NRCAM: variants seen among roughly 807,000 people sequenced by gnomAD.
NRCAM encodes the protein neuronal cell adhesion molecule, also known as NgCAM-related cell adhesion molecule.
In NRCAM, 83 loss-of-function variants were observed where a neutral mutation model predicts 156.5. That is an observed-to-expected ratio of 0.53 (90% CI 0.44 to 0.64). NRCAM has a LOEUF of 0.64. Ranked by LOEUF, NRCAM falls within the 30% of genes least tolerant of loss-of-function variation. The pLI, the probability that NRCAM is intolerant of heterozygous loss-of-function variation, is 0.00. For missense variants in NRCAM, 1,417 were observed against 1,597.3 expected (o/e 0.89, Z 1.92); for synonymous variants, 538 against 563.9 (o/e 0.95, Z 0.65).
chr7:108,374,966 A>T (rs1052770032), intron 2 of NRCAM, among the ~76,000 whole-genome samples: 2 of 152,174 alleles, frequency 1.3e-5, no homozygotes, highest in Non-Finnish European at 2.9e-5. Flanking sequence ...GATATAAAAT[A>T]TTTATTGAGA....
At chr7:108,388,813 G>T (rs1429392449) in intron 2 of NRCAM, among the ~76,000 whole-genome samples, 2 of 152,186 alleles carry the variant, frequency 1.3e-5, no homozygotes, top group African/African-American at 4.8e-5. Flanking sequence ...TTATTAAATA[G>T]GGAATCCTTT....
At chr7:108,411,734 T>C (rs370638275) in intron 1 of NRCAM, among the ~76,000 whole-genome samples, 1 of 152,078 alleles carries the variant, frequency 6.6e-6, no homozygotes, top group African/African-American at 2.4e-5. Flanking sequence ...GGTTTCACCA[T>C]GTTGGTCAGG....
chr7:108,302,358 G>C (rs549364151), intron 3 of NRCAM, among the ~76,000 whole-genome samples: 31 of 152,128 alleles, frequency 2.0e-4, no homozygotes. Flanking sequence ...TCTTGGAGAT[G>C]ACTGATGGCA....
In NRCAM at chr7:108,300,878, G is replaced by A. The variant is rs143349902; in HGVS notation, c.-107+11787C>T. 2.3e-3 allele frequency among the ~76,000 whole-genome samples: 348 copies of A among 151,570 alleles called. 3 individuals are homozygous for A. The highest frequency in any genetic ancestry group is 7.6e-3 in the African/African-American group (316 of 41,344). On this transcript the variant is annotated intron_variant, in intron 3 of 32. Coordinates refer to ENST00000379028, the MANE Select transcript of NRCAM (RefSeq NM_001037132.4). ...ACAGAAAGCTTTTTAAAAAAATTAC[G>A]TTTTTTTAAAGCTTTTCTTAAAAAA...
At chr7:108,425,647 TC>T (rs1307493919) in intron 1 of NRCAM, among the ~76,000 whole-genome samples, 10 of 152,182 alleles carry the variant, frequency 6.6e-5, no homozygotes, top group African/African-American at 1.9e-4. Flanking sequence ...ACCGAACAGA[TC>T]CAAATTCAAG....
At chr7:108,371,582 T>A (rs2099628959) in intron 2 of NRCAM, among the ~76,000 whole-genome samples, 3 of 152,154 alleles carry the variant, frequency 2.0e-5, no homozygotes, top group Non-Finnish European at 4.4e-5. Flanking sequence ...AACATATTTT[T>A]ACAAATTGAA....
chr7:108,301,496 A>G (rs562700180), intron 3 of NRCAM, among the ~76,000 whole-genome samples: 1 of 152,364 alleles, frequency 6.6e-6, no homozygotes, highest in Admixed American at 6.5e-5. Flanking sequence ...TATGAGCTAC[A>G]GAAGAAAACA....
At chr7:108,169,529 TAAGAA>T (rs911981254) in intron 28 of NRCAM, among the ~76,000 whole-genome samples, 4 of 152,304 alleles carry the variant, frequency 2.6e-5, no homozygotes, top group African/African-American at 9.6e-5. Flanking sequence ...TTCTTAGAAT[TAAGAA>T]AAGAAAGATA....
chr7:108,435,821 C>T (rs1831344121), intron 1 of NRCAM, among the ~76,000 whole-genome samples: 2 of 152,190 alleles, frequency 1.3e-5, no homozygotes, highest in South Asian at 2.1e-4. Flanking sequence ...AATCGAAAGG[C>T]ACAGTAAATC....
chr7:108,250,820 T>C (rs931546181), intron 3 of NRCAM, among the ~76,000 whole-genome samples: 1 of 152,198 alleles, frequency 6.6e-6, no homozygotes, highest in African/African-American at 2.4e-5. Flanking sequence ...TTTTACATGA[T>C]GTGATTATTA....
intron 32 of NRCAM, chr7:108,156,399 A>C: frequency 1.0e-6 from 1 of 984,618 alleles, no homozygotes; most frequent in Non-Finnish European, 1.2e-6. Context: ...TCTTGGTTGC[A>C]TTGTTTCTCT....
intron 2 of NRCAM, among the ~76,000 whole-genome samples, chr7:108,388,038 T>C (rs1234866395): frequency 2.0e-5 from 3 of 152,204 alleles, no homozygotes; most frequent in African/African-American, 4.8e-5. Flanking sequence ...TGTGTCTTTA[T>C]AGCAGCATGA....
intron 1 of NRCAM, among the ~76,000 whole-genome samples, chr7:108,400,747 A>G (rs186424429): frequency 6.6e-5 from 10 of 152,160 alleles, no homozygotes; most frequent in Non-Finnish European, 1.3e-4. Flanking sequence ...CAAGAGGTAC[A>G]GTGACTTACA....
intron 19 of NRCAM, 33 bp downstream of exon 19, chr7:108,191,221 G>T: frequency 1.3e-6 from 2 of 1,573,590 alleles, no homozygotes; most frequent in Non-Finnish European, 1.7e-6. Flanking sequence ...TTGTTTGACA[G>T]AAAACAGAGA....
At chr7:108,442,884 AAAG>A (rs1303162322) in intron 1 of NRCAM, among the ~76,000 whole-genome samples, 1 of 152,244 alleles carries the variant, frequency 6.6e-6, no homozygotes, top group African/African-American at 2.4e-5. Context: ...TGTGTGTTAA[AAAG>A]AAGCTGCGAG....
At position 108,195,483 on chromosome 7, in the gene NRCAM, G is replaced by C. The variant is rs112233356; in HGVS notation, c.1463+278C>G. 5.8e-3 allele frequency among the ~76,000 whole-genome samples: 877 copies of C among 152,144 alleles called. 11 individuals are homozygous for C. The highest frequency in any genetic ancestry group is 0.02 in the African/African-American group (842 of 41,508). ...TACAAAAAATTAGCCAGGTGTGGTG[G>C]TAGGCGGCTGTAGGCCCAGATACTC... On this transcript the variant is annotated intron_variant, in intron 15 of 32. Coordinates refer to ENST00000379028, the MANE Select transcript of NRCAM (RefSeq NM_001037132.4).
intron 1 of NRCAM, among the ~76,000 whole-genome samples, chr7:108,434,629 T>C (rs1326717956): frequency 6.7e-6 from 1 of 149,188 alleles, no homozygotes; most frequent in Non-Finnish European, 1.5e-5. Context: ...GACTTGAAAA[T>C]GACATAAAGT....
intron 30 of NRCAM, 68 bp from the exon 31 acceptor site, chr7:108,160,560 A>G: frequency 6.8e-7 from 1 of 1,471,682 alleles, no homozygotes; most frequent in Non-Finnish European, 9.1e-7. Flanking sequence ...GCAGTCTCTC[A>G]GAGTAAAAAA....
intron 3 of NRCAM, among the ~76,000 whole-genome samples, chr7:108,294,439 T>A (rs1459489136): frequency 6.6e-6 from 1 of 152,144 alleles, no homozygotes; most frequent in Non-Finnish European, 1.5e-5. Context: ...TCAAAATTCC[T>A]AAAGTGGCTT....
Sources: gnomAD v4.1 joint callset for allele counts (sites outside exome capture counted in the v4.1 genomes callset) on GRCh38, gnomAD v4.1.1 for gene constraint, MANE v1.5 for transcripts, NCBI Gene and HGNC (gene_info 2026-07-23, HGNC 2026-07-21) for gene names.